Variants in SCHIP1 observed in about 807,000 individuals in gnomAD.
The protein encoded by SCHIP1 is schwannomin interacting protein 1, also known as schwannomin-interacting protein 1.
A neutral mutation model predicts 29.7 loss-of-function variants in SCHIP1; 8 were observed. The ratio of observed to expected loss-of-function variants is 0.27; its 90% CI spans 0.16 to 0.49. SCHIP1 has a LOEUF of 0.49. Ranked by LOEUF, SCHIP1 falls within the 20% of genes least tolerant of loss-of-function variation. SCHIP1 has a pLI of 0.99. For synonymous variants in SCHIP1, 76 were observed against 94.9 expected (o/e 0.80, Z 1.16); for missense variants, 193 against 294.6 (o/e 0.66, Z 2.52).
At chr3:159,660,986 A>G in the SCHIP1 span, among the ~76,000 whole-genome samples, 3 of 152,184 alleles carry the variant, frequency 2.0e-5, no homozygotes, top group Non-Finnish European at 4.4e-5. Flanking sequence ...GCCAGGCACT[A>G]TGCAAGGTAC....
At chr3:159,334,349 A>T in the SCHIP1 span, among the ~76,000 whole-genome samples, 2 of 152,328 alleles carry the variant, frequency 1.3e-5, no homozygotes, top group African/African-American at 4.8e-5. Flanking sequence ...TTGGTTTGAT[A>T]TGCACATCAT....
chr3:159,732,025 G>A, the SCHIP1 span, among the ~76,000 whole-genome samples: 1 of 152,118 alleles, frequency 6.6e-6, no homozygotes, highest in Non-Finnish European at 1.5e-5. Flanking sequence ...TTTTAGTAGA[G>A]ACTGGGTACT....
the SCHIP1 span, among the ~76,000 whole-genome samples, chr3:159,554,334 T>C: frequency 1.3e-5 from 2 of 152,142 alleles, no homozygotes; most frequent in Admixed American, 1.3e-4. Flanking sequence ...AAGAGTTTTA[T>C]ATAAACTGGG....
the SCHIP1 span, among the ~76,000 whole-genome samples, chr3:159,511,937 A>G: frequency 6.6e-6 from 1 of 152,226 alleles, no homozygotes; most frequent in Non-Finnish European, 1.5e-5. Flanking sequence ...TTAGGGCTAG[A>G]GAGGAATTTC....
At chr3:159,710,790 G>A in the SCHIP1 span, among the ~76,000 whole-genome samples, 1 of 151,970 alleles carries the variant, frequency 6.6e-6, no homozygotes, top group Non-Finnish European at 1.5e-5. Flanking sequence ...TTTAAAATAT[G>A]AATAAATCTG....
intron 5 of SCHIP1, among the ~76,000 whole-genome samples, chr3:159,891,390 AAGGAAGGGAGGGAGGG>A (rs1316211671): frequency 6.6e-6 from 1 of 151,868 alleles, no homozygotes; most frequent in Non-Finnish European, 1.5e-5. Context: ...AAAAGGAAGG[AAGGAAGGGAGGGAGGG>A]AGGAAGGGAG....
the SCHIP1 span, among the ~76,000 whole-genome samples, chr3:159,424,421 A>G: frequency 6.6e-6 from 1 of 152,254 alleles, no homozygotes; most frequent in Admixed American, 6.5e-5. Flanking sequence ...GATGTGATCA[A>G]CTGGATATCA....
chr3:159,312,542 G>A, the SCHIP1 span, among the ~76,000 whole-genome samples: 1 of 152,168 alleles, frequency 6.6e-6, no homozygotes, highest in African/African-American at 2.4e-5. Context: ...CTAACTGCAA[G>A]GGGAACTGGG....
the SCHIP1 span, among the ~76,000 whole-genome samples, chr3:159,534,356 G>A: frequency 1.3e-4 from 20 of 152,186 alleles, no homozygotes; most frequent in East Asian, 3.5e-3. Flanking sequence ...AGTGGCTTTC[G>A]TAAGACAATA....
the SCHIP1 span, among the ~76,000 whole-genome samples, chr3:159,292,743 T>C: frequency 7.2e-5 from 11 of 152,248 alleles, no homozygotes; most frequent in Non-Finnish European, 1.6e-4. Context: ...CCCTACTACA[T>C]TATCCATATT....
the SCHIP1 span, among the ~76,000 whole-genome samples, chr3:159,643,803 A>C: frequency 1.3e-5 from 2 of 151,988 alleles, no homozygotes; most frequent in African/African-American, 4.8e-5. Flanking sequence ...TGCATAATGA[A>C]CCTGGCCTAA....
chr3:159,385,751 C>T, the SCHIP1 span, among the ~76,000 whole-genome samples: 2,485 of 152,182 alleles, frequency 0.016, 55 homozygotes, highest in African/African-American at 0.056. Flanking sequence ...ATGTGCAGAA[C>T]GTGCAGGTTT....
chr3:159,789,457 A>G, the SCHIP1 span, among the ~76,000 whole-genome samples: 2 of 152,252 alleles, frequency 1.3e-5, no homozygotes, highest in Non-Finnish European at 2.9e-5. Flanking sequence ...ACCATGGCCT[A>G]GCCAAGTTGA....
chr3:159,335,589 T>C, the SCHIP1 span, among the ~76,000 whole-genome samples: 1 of 152,112 alleles, frequency 6.6e-6, no homozygotes, highest in East Asian at 1.9e-4. Context: ...TAAGAACATG[T>C]GGTGATTGGT....
the SCHIP1 span, among the ~76,000 whole-genome samples, chr3:159,468,556 A>G: frequency 1.3e-5 from 2 of 151,630 alleles, no homozygotes; most frequent in Non-Finnish European, 2.9e-5. Flanking sequence ...CTCATTTTAC[A>G]TATGAGTGAA....
the SCHIP1 span, among the ~76,000 whole-genome samples, chr3:159,664,687 TAGAG>T: frequency 6.6e-6 from 1 of 152,010 alleles, no homozygotes; most frequent in South Asian, 2.1e-4. Flanking sequence ...GCCTATAGGG[TAGAG>T]AGAGCACCAT....
chr3:159,827,485 T>C, the SCHIP1 span, among the ~76,000 whole-genome samples: 2 of 152,210 alleles, frequency 1.3e-5, no homozygotes, highest in African/African-American at 2.4e-5. Flanking sequence ...GTATGCTATG[T>C]AAATTCTTTT....
At chr3:159,851,698 T>C (rs1472351130) in intron 1 of SCHIP1, among the ~76,000 whole-genome samples, 1 of 152,210 alleles carries the variant, frequency 6.6e-6, no homozygotes, top group Admixed American at 6.5e-5. Context: ...AATTCTCCTG[T>C]ATTTTGAGCA....
At chr3:159,300,380 G>A in the SCHIP1 span, among the ~76,000 whole-genome samples, 3 of 151,788 alleles carry the variant, frequency 2.0e-5, no homozygotes, top group African/African-American at 7.3e-5. Context: ...GCAGAAATCT[G>A]CATTTTTAAC....
Sources: allele counts gnomAD v4.1 joint callset (sites outside exome capture counted in the v4.1 genomes callset), GRCh38; gene constraint gnomAD v4.1.1; transcripts MANE v1.5; gene names NCBI Gene and HGNC (gene_info 2026-07-23, HGNC 2026-07-21).